The following MIER1 variants were observed in gnomAD, a reference collection of about 807,000 sequenced individuals.
The protein encoded by MIER1 is MIER1 transcriptional regulator.
In MIER1, 40 loss-of-function variants were observed where a neutral mutation model predicts 75.7. The ratio of observed to expected loss-of-function variants is 0.53; its 90% CI spans 0.41 to 0.69. MIER1 has a LOEUF of 0.69. MIER1 is among the 30% of genes least tolerant of loss of function. MIER1 has a pLI of 0.00. For missense variants in MIER1, 574 were observed against 680.2 expected (o/e 0.84, Z 1.74); for synonymous variants, 213 against 223.4 (o/e 0.95, Z 0.42).
In MIER1 at chr1:66,946,287, C is replaced by T; in HGVS notation, c.331C>T (p.Leu111Phe). The T allele has an allele frequency of 6.2e-7, 1 of 1,606,120 alleles. No individual in the cohort carries two copies. The highest frequency in any genetic ancestry group is 8.5e-7 in the Non-Finnish European group (1 of 1,177,814). ...ETNFSSEIED[L>F]AREGDMPIHE... ...AAACTTCAGCTCTGAAATAGAAGAT[C>T]TTGCAAGGGTAAATAACATGTAGAG... Residue 111 changes from leucine to phenylalanine, a missense_variant, in exon 4 of 14, where the codon CTT becomes TTT. By Grantham distance (22) the Leu-to-Phe change is conservative. This residue lies in a region of MIER1 where 309 missense variants were observed against 352.8 expected (regional missense o/e 0.88). Coordinates refer to ENST00000401041, the MANE Select transcript of MIER1 (RefSeq NM_001077700.3).
At chr1:66,956,006 TTG>T (rs1472062537) in intron 4 of MIER1, among the ~76,000 whole-genome samples, 9 of 152,212 alleles carry the variant, frequency 5.9e-5, no homozygotes, top group Admixed American at 3.9e-4. Flanking sequence ...TCTAATGAAA[TTG>T]TGTGTGTTGA....
chr1:66,925,192 C>T, intron 1 of MIER1, 97 bp downstream of exon 1: 1 of 1,458,082 alleles, frequency 6.9e-7, no homozygotes, highest in Non-Finnish European at 9.0e-7. Flanking sequence ...TCCTTCCCCT[C>T]CCCCACGGCA....
At chr1:66,935,849 T>C (rs887348014) in intron 2 of MIER1, among the ~76,000 whole-genome samples, 5 of 152,050 alleles carry the variant, frequency 3.3e-5, no homozygotes, top group African/African-American at 9.7e-5. Flanking sequence ...CAAACAGATA[T>C]CTCTATTTTT....
At position 66,973,010 on chromosome 1, in the gene MIER1, T is replaced by G; in HGVS notation, c.1101+19T>G. The G allele has an allele frequency of 4.2e-6, 6 of 1,427,680 alleles. No individual in the cohort carries two copies. Among genetic ancestry groups the G allele is most frequent in the East Asian group, 2.3e-5 (1 of 43,734 alleles). 88.4% of individuals were successfully genotyped at this position (1,427,680 alleles called of 1,614,324 possible). On this transcript the variant is annotated intron_variant, in intron 11 of 13. Transcript: ENST00000401041. Reference sequence around the variant, plus strand: ...TAATAAAGTAAGTAATGATAATCTCTTTTTTGCAAAAAGAAATTTAGTTGA... The same window carrying G: ...TAATAAAGTAAGTAATGATAATCTCGTTTTTGCAAAAAGAAATTTAGTTGA...
intron 1 of MIER1, 119 bp downstream of exon 1, chr1:66,925,214 G>GCC: frequency 7.2e-7 from 1 of 1,395,316 alleles, no homozygotes; most frequent in South Asian, 1.7e-5. Flanking sequence ...TGTACCGCCC[G>GCC]GAAGACCCTT....
chr1:66,959,680 T>G lies in MIER1; in HGVS notation c.636T>G (p.Asn212Lys). Residue 212 changes from asparagine to lysine, a missense_variant and splice_region_variant, in exon 7 of 14, where the codon AAT (asparagine) becomes AAG (lysine). Physicochemically the swap from Asn to Lys is moderately conservative, Grantham distance 94. Coordinates refer to ENST00000401041, the MANE Select transcript of MIER1 (RefSeq NM_001077700.3). ...RPRRCKYFDT[N>K]SEVEEESEED... ...GTATTGGTGTCTTATTTATTCTAGATAGTGAAGTAGAAGAAGAATCTGAAG... is the reference window on the plus strand; with the variant it reads ...GTATTGGTGTCTTATTTATTCTAGAGAGTGAAGTAGAAGAAGAATCTGAAG... 7.4e-7 allele frequency: 1 copy of G among 1,358,288 alleles called. No individual in the cohort carries two copies. Among genetic ancestry groups the G allele is most frequent in the Non-Finnish European group, 1.0e-6 (1 of 999,160 alleles). The allele number at this position is 1,358,288 out of a possible 1,614,324, so 84.1% of individuals were successfully genotyped here. A position where few individuals can be genotyped will look rare whatever the true frequency, so the allele number is the denominator to read the frequency against.
chr1:66,931,886 G>A (rs1653474883), intron 2 of MIER1, among the ~76,000 whole-genome samples: 1 of 151,992 alleles, frequency 6.6e-6, no homozygotes, highest in East Asian at 1.9e-4. Context: ...AGTGAATATC[G>A]GGTAAGCAGC....
chr1:66,940,275 T>C (rs1262034214), intron 3 of MIER1: 245 of 300,822 alleles, frequency 8.1e-4, no homozygotes, highest in Non-Finnish European at 1.2e-3. Flanking sequence ...GTTTTCTTTT[T>C]TTTTTTTTTT....
Position 66,986,227 on chromosome 1 carries a change from A to G in MIER1, c.*1327A>G. On this transcript the variant is annotated 3_prime_UTR_variant, in exon 14 of 14. Transcript: ENST00000401041. Reference sequence around the variant, plus strand: ...TTCCAAAGTGAAAATAAGATACACAATAATCATTGCTCTGTGTGATTACAG... The same window carrying G: ...TTCCAAAGTGAAAATAAGATACACAGTAATCATTGCTCTGTGTGATTACAG... The G allele has an allele frequency of 4.7e-6, 6 of 1,286,336 alleles. No individual in the cohort carries two copies. Among genetic ancestry groups the G allele is most frequent in the Non-Finnish European group, 4.9e-6 (5 of 1,018,634 alleles). 79.7% of individuals were successfully genotyped at this position (1,286,336 alleles called of 1,614,324 possible). A position where few individuals can be genotyped will look rare whatever the true frequency, so the allele number is the denominator to read the frequency against.
At chr1:66,942,676 C>G (rs1304196578) in intron 3 of MIER1, among the ~76,000 whole-genome samples, 4 of 151,052 alleles carry the variant, frequency 2.6e-5, no homozygotes, top group Non-Finnish European at 5.9e-5. Context: ...TTCTAAGGAA[C>G]AAGGCAAAAA....
intron 12 of MIER1, among the ~76,000 whole-genome samples, chr1:66,977,670 C>T (rs974269714): frequency 3.3e-5 from 5 of 152,078 alleles, no homozygotes; most frequent in African/African-American, 9.7e-5. Flanking sequence ...CTACCACTGG[C>T]AATTTGTTAC....
At chr1:66,930,665 G>A (rs928280363) in intron 2 of MIER1, among the ~76,000 whole-genome samples, 1 of 151,932 alleles carries the variant, frequency 6.6e-6, no homozygotes, top group Non-Finnish European at 1.5e-5. Context: ...GTGCGAGGGG[G>A]AGGGGGCGCC....
chr1:66,981,471 A>T (rs1160523202), intron 12 of MIER1, among the ~76,000 whole-genome samples: 1 of 152,162 alleles, frequency 6.6e-6, no homozygotes, highest in East Asian at 1.9e-4. Context: ...CTATCACTTC[A>T]GTTAAGAGAT....
intron 2 of MIER1, among the ~76,000 whole-genome samples, chr1:66,935,440 A>G (rs1338434770): frequency 6.6e-6 from 1 of 152,204 alleles, no homozygotes; most frequent in Non-Finnish European, 1.5e-5. Flanking sequence ...GATAAGATAA[A>G]TATGTACCCC....
At chr1:66,979,185 G>C (rs1490641157) in intron 12 of MIER1, among the ~76,000 whole-genome samples, 1 of 152,042 alleles carries the variant, frequency 6.6e-6, no homozygotes, top group Non-Finnish European at 1.5e-5. Flanking sequence ...TCTTCTGTAA[G>C]AAGCAGTGAC....
intron 8 of MIER1, among the ~76,000 whole-genome samples, chr1:66,965,741 A>C (rs1662249839): frequency 6.6e-6 from 1 of 152,202 alleles, no homozygotes; most frequent in Non-Finnish European, 1.5e-5. Flanking sequence ...TGTGCTGTCA[A>C]CTATTAGGGG....
At chr1:66,925,472 C>T in intron 1 of MIER1, 2 of 985,478 alleles carry the variant, frequency 2.0e-6, no homozygotes, top group Non-Finnish European at 2.4e-6. Flanking sequence ...GCCTCTTTCT[C>T]CTGTATTTCC....
chr1:66,945,032 T>A (rs888091229), intron 3 of MIER1, among the ~76,000 whole-genome samples: 28 of 152,198 alleles, frequency 1.8e-4, no homozygotes, highest in Non-Finnish European at 1.3e-4. Flanking sequence ...GCCACTAGAA[T>A]GTATTTTCAA....
intron 4 of MIER1, chr1:66,946,685 A>C (rs147847609): frequency 2.0e-6 from 2 of 989,444 alleles, no homozygotes; most frequent in Non-Finnish European, 2.4e-6. Context: ...CATTCACTAC[A>C]TAAAGTGCTC....
Sources: gnomAD v4.1 joint callset for allele counts (sites outside exome capture counted in the v4.1 genomes callset) on GRCh38, gnomAD v4.1.1 for gene constraint, gnomAD v4.1.1 regional missense constraint, MANE v1.5 for transcripts, NCBI Gene and HGNC (gene_info 2026-07-23, HGNC 2026-07-21) for gene names.